FBXL13: variants seen among roughly 807,000 people sequenced by gnomAD.
FBXL13 encodes the protein F-box and leucine-rich repeat protein 13.
FBXL13 carries 67 observed loss-of-function variants against 83.6 expected under a neutral mutation model. That is an observed-to-expected ratio of 0.80 (90% CI 0.66 to 0.98). FBXL13 has a LOEUF of 0.98. Among genes scored for constraint, FBXL13 ranks in the 50% least tolerant of loss-of-function variants. The pLI is 0.00. For missense variants in FBXL13, 822 were observed against 866.5 expected (o/e 0.95, Z 0.64); for synonymous variants, 272 against 299.5 (o/e 0.91, Z 0.95).
intron 6 of FBXL13, chr7:102,973,473 C>G (rs1022800061): frequency 1.1e-5 from 8 of 758,978 alleles, no homozygotes; most frequent in Non-Finnish European, 1.7e-5. Context: ...AAAACCCTGC[C>G]CCCTACTCAT....
chr7:102,856,754 G>A (rs1241458282), intron 16 of FBXL13, among the ~76,000 whole-genome samples: 1 of 152,174 alleles, frequency 6.6e-6, no homozygotes, highest in Non-Finnish European at 1.5e-5. Flanking sequence ...ATGCATTGGT[G>A]AGGATGTGGA....
In FBXL13 at chr7:103,027,474, T is replaced by C. The variant is rs1794062848; in HGVS notation, c.302A>G (p.Lys101Arg). 6.2e-6 allele frequency: 10 copies of C among 1,612,648 alleles called. 1 individual carries two copies. In the Admixed American group the frequency reaches 1.2e-4, roughly 19 times the overall value. The stretch of plus-strand genomic sequence containing the variant: ...CAGCTCATCTTCTTTCTTTTTACTC[T>C]TATGTCTTGCTGTATTCCGCCATTT... Residue 101 changes from lysine (K) to arginine (R), a missense_variant, in exon 5 of 20, where the codon AAG (lysine) becomes AGG (arginine). Transcript: ENST00000313221.
chr7:102,822,453 C>CAG (rs142147880), intron 18 of FBXL13: 186 of 605,636 alleles, frequency 3.1e-4, no homozygotes, highest in Middle Eastern at 5.1e-4. Flanking sequence ...TCTCACATGG[C>CAG]AGAGAGAGAG....
chr7:102,939,895 T>G (rs577377912), intron 8 of FBXL13, among the ~76,000 whole-genome samples: 54 of 140,548 alleles, frequency 3.8e-4, no homozygotes, highest in Admixed American at 7.6e-4. Context: ...AATGTAGTGG[T>G]TTTTTTTTTG....
intron 6 of FBXL13, chr7:102,978,578 AC>A (rs1359213853): frequency 6.2e-6 from 1 of 161,644 alleles, no homozygotes; most frequent in Non-Finnish European, 1.3e-5. Flanking sequence ...AGACTATAAA[AC>A]CCCTGCCCCC....
At position 103,017,707 on chromosome 7, in the gene FBXL13, T is replaced by C. The variant is rs189228772; in HGVS notation, c.495+7356A>G. 4.2e-3 allele frequency among the ~76,000 whole-genome samples: 637 copies of C among 151,706 alleles called. 3 individuals carry two copies. Among genetic ancestry groups the C allele is most frequent in the African/African-American group, 0.015 (609 of 41,330 alleles). On this transcript the variant is annotated intron_variant, in intron 6 of 19. Transcript: ENST00000313221. ...AGCTTCAGTAGCTGATTCCATCAAG[T>C]GGAAGAAAGGGTATCAGTGATTGAA...
At chr7:102,908,333 T>C (rs1038355133) in intron 11 of FBXL13, among the ~76,000 whole-genome samples, 16 of 152,256 alleles carry the variant, frequency 1.1e-4, no homozygotes, top group Non-Finnish European at 1.9e-4. Context: ...TTGAATTAAT[T>C]TGAATTTCCT....
chr7:102,969,070 T>C (rs552136409), intron 6 of FBXL13, among the ~76,000 whole-genome samples: 3 of 152,358 alleles, frequency 2.0e-5, no homozygotes, highest in African/African-American at 7.2e-5. Flanking sequence ...CTGTTTATAG[T>C]GTAGTACTCT....
intron 19 of FBXL13, among the ~76,000 whole-genome samples, chr7:102,814,883 A>G (rs1278732211): frequency 6.6e-6 from 1 of 152,220 alleles, no homozygotes; most frequent in African/African-American, 2.4e-5. Flanking sequence ...ACATATCCTC[A>G]AAGTAGAACA....
At chr7:102,860,996 CACAT>C (rs1446047055) in intron 16 of FBXL13, among the ~76,000 whole-genome samples, 1 of 144,182 alleles carries the variant, frequency 6.9e-6, no homozygotes, top group Admixed American at 6.8e-5. Flanking sequence ...TATATACACA[CACAT>C]ATATATATAC....
At chr7:102,971,654 T>C (rs1024959788) in intron 6 of FBXL13, among the ~76,000 whole-genome samples, 3 of 150,950 alleles carry the variant, frequency 2.0e-5, no homozygotes, top group Non-Finnish European at 4.4e-5. Flanking sequence ...TAGTCCCAGC[T>C]ACTTGAGAGG....
intron 8 of FBXL13, among the ~76,000 whole-genome samples, chr7:102,950,191 C>T (rs1823193663): frequency 6.6e-6 from 1 of 152,094 alleles, no homozygotes; most frequent in African/African-American, 2.4e-5. Context: ...AGACACCTCA[C>T]CAGAAAGATA....
At chr7:102,971,680 C>T (rs1384110939) in intron 6 of FBXL13, among the ~76,000 whole-genome samples, 1 of 151,836 alleles carries the variant, frequency 6.6e-6, no homozygotes, top group Non-Finnish European at 1.5e-5. Context: ...GCAAGATTAC[C>T]TGAGCCCAAG....
chr7:103,021,241 C>T (rs1432849207), intron 6 of FBXL13, among the ~76,000 whole-genome samples: 3 of 152,084 alleles, frequency 2.0e-5, no homozygotes, highest in East Asian at 3.8e-4. Flanking sequence ...GAAAGGATTC[C>T]CTATTTAATA....
intron 6 of FBXL13, 27 bp downstream of exon 7, chr7:103,025,036 T>A: frequency 6.4e-7 from 1 of 1,570,224 alleles, no homozygotes; most frequent in South Asian, 1.2e-5. Context: ...GATTATAGTA[T>A]ATAATGTATA....
chr7:102,953,740 TC>T (rs1823792570), intron 8 of FBXL13, among the ~76,000 whole-genome samples: 1 of 152,190 alleles, frequency 6.6e-6, no homozygotes, highest in East Asian at 1.9e-4. Context: ...TTGCTATTTC[TC>T]AGAAACTCAT....
intron 16 of FBXL13, among the ~76,000 whole-genome samples, chr7:102,865,721 T>G (rs1387367470): frequency 6.6e-6 from 1 of 152,130 alleles, no homozygotes; most frequent in African/African-American, 2.4e-5. Context: ...TTTGTTTTTT[T>G]TTTTAGTAGA....
chr7:102,877,188 C>T (rs115411235), intron 16 of FBXL13, among the ~76,000 whole-genome samples: 1,658 of 152,280 alleles, frequency 0.011, 35 homozygotes, highest in African/African-American at 0.037. Flanking sequence ...ACTGACCAAA[C>T]TTCTGTAATG....
chr7:102,833,605 T>C (rs1037489303), intron 17 of FBXL13, among the ~76,000 whole-genome samples: 27 of 151,664 alleles, frequency 1.8e-4, no homozygotes, highest in Non-Finnish European at 1.8e-4. Flanking sequence ...TCTTTTTTTT[T>C]TTTTTTAGTA....
Sources: allele counts gnomAD v4.1 joint callset (sites outside exome capture counted in the v4.1 genomes callset), GRCh38; gene constraint gnomAD v4.1.1; transcripts MANE v1.5; gene names NCBI Gene and HGNC (gene_info 2026-07-23, HGNC 2026-07-21).